TNFRSF19: variants seen among roughly 807,000 people sequenced by gnomAD.
TNFRSF19 encodes TNF receptor superfamily member 19, also known as tumor necrosis factor receptor superfamily member 19.
A neutral mutation model predicts 46.4 loss-of-function variants in TNFRSF19; 27 were observed. The observed-to-expected ratio is 0.58, with a 90% CI of 0.43 to 0.80. The LOEUF is 0.80. Among genes scored for constraint, TNFRSF19 ranks in the 30% least tolerant of loss-of-function variants. TNFRSF19 has a pLI of 0.00. For synonymous variants in TNFRSF19, 204 were observed against 205.0 expected (o/e 1.00, Z 0.04); for missense variants, 511 against 530.8 (o/e 0.96, Z 0.37).
At chr13:23,651,440 T>C (rs1883622881) in intron 5 of TNFRSF19, among the ~76,000 whole-genome samples, 3 of 152,176 alleles carry the variant, frequency 2.0e-5, no homozygotes, top group Admixed American at 2.0e-4. Context: ...CAGAGTGATA[T>C]GTTATACAGA....
At chr13:23,660,306 G>T in intron 6 of TNFRSF19, 59 bp from the exon 7 acceptor site, 1 of 1,525,766 alleles carries the variant, frequency 6.6e-7, no homozygotes, top group South Asian at 1.2e-5. Flanking sequence ...AGCTAGAATG[G>T]CACAGGTCCA....
chr13:23,625,635 T>G (rs901360379), intron 4 of TNFRSF19, among the ~76,000 whole-genome samples: 7 of 152,158 alleles, frequency 4.6e-5, no homozygotes, highest in African/African-American at 1.7e-4. Flanking sequence ...GCCTGTATTC[T>G]TACACATACA....
chr13:23,646,405 G>C (rs1883334339), intron 5 of TNFRSF19, among the ~76,000 whole-genome samples: 1 of 151,764 alleles, frequency 6.6e-6, no homozygotes, highest in Non-Finnish European at 1.5e-5. Flanking sequence ...CATCACCCCA[G>C]ATAGAAGCTC....
chr13:23,657,974 C>A (rs146753204), intron 5 of TNFRSF19, among the ~76,000 whole-genome samples: 1 of 152,032 alleles, frequency 6.6e-6, no homozygotes, highest in African/African-American at 2.4e-5. Context: ...CAGCACCTGC[C>A]GGGGAAGCAG....
intron 4 of TNFRSF19, among the ~76,000 whole-genome samples, chr13:23,616,593 C>T (rs28689779): frequency 0.68 from 101,952 of 149,840 alleles, 34,938 homozygotes; most frequent in Middle Eastern, 0.77. Flanking sequence ...TTGTTTTGTT[C>T]TGTTTTGAGA....
At chr13:23,635,062 C>T (rs904563146) in intron 5 of TNFRSF19, among the ~76,000 whole-genome samples, 1 of 152,106 alleles carries the variant, frequency 6.6e-6, no homozygotes, top group Non-Finnish European at 1.5e-5. Flanking sequence ...CCTTAAAGCC[C>T]TCATTCCACA....
At chr13:23,574,620 T>C (rs898261501) in intron 1 of TNFRSF19, among the ~76,000 whole-genome samples, 2 of 152,124 alleles carry the variant, frequency 1.3e-5, no homozygotes, top group East Asian at 1.9e-4. Context: ...CTGGCATTGG[T>C]TTAGTCGGAT....
chr13:23,653,871 A>G (rs1271914491), intron 5 of TNFRSF19, among the ~76,000 whole-genome samples: 2 of 152,172 alleles, frequency 1.3e-5, no homozygotes, highest in Admixed American at 1.3e-4. Flanking sequence ...GAGCACAGCC[A>G]GGCCACAGTG....
intron 1 of TNFRSF19, among the ~76,000 whole-genome samples, chr13:23,574,945 AAGG>A (rs1433422373): frequency 1.2e-4 from 18 of 152,322 alleles, no homozygotes; most frequent in African/African-American, 4.1e-4. Context: ...TGAGAAGGGG[AAGG>A]AGAAGTCATG....
intron 3 of TNFRSF19, among the ~76,000 whole-genome samples, chr13:23,613,669 T>A (rs1188078057): frequency 2.0e-5 from 3 of 152,184 alleles, no homozygotes; most frequent in Non-Finnish European, 4.4e-5. Context: ...TGGAGAACCC[T>A]AGCTTGGGAA....
At chr13:23,604,449 T>A (rs972951482) in intron 3 of TNFRSF19, among the ~76,000 whole-genome samples, 10 of 152,086 alleles carry the variant, frequency 6.6e-5, no homozygotes, top group Non-Finnish European at 1.2e-4. Flanking sequence ...ATTTATAGAT[T>A]CAATGGAATC....
chr13:23,580,256 C>T (rs1878315505), intron 1 of TNFRSF19, among the ~76,000 whole-genome samples: 1 of 152,144 alleles, frequency 6.6e-6, no homozygotes. Flanking sequence ...TGTAAGAAAC[C>T]CATGTCATTT....
At chr13:23,670,884 G>A (rs1288409414) in intron 9 of TNFRSF19, among the ~76,000 whole-genome samples, 1 of 152,212 alleles carries the variant, frequency 6.6e-6, no homozygotes, top group Non-Finnish European at 1.5e-5. Context: ...CTAGGGTTAC[G>A]GTGCTGCCAG....
intron 3 of TNFRSF19, among the ~76,000 whole-genome samples, chr13:23,614,746 C>CATATCTATATATAT (rs1881145857): frequency 7.4e-6 from 1 of 134,866 alleles, no homozygotes; most frequent in Non-Finnish European, 1.6e-5. Flanking sequence ...ATAAGTAATA[C>CATATCTATATATAT]ATATATATAT....
chr13:23,575,037 G>C (rs1242344912), intron 1 of TNFRSF19, among the ~76,000 whole-genome samples: 1 of 152,198 alleles, frequency 6.6e-6, no homozygotes, highest in Non-Finnish European at 1.5e-5. Context: ...GATAAAGATA[G>C]TTTTCTCCAT....
At chr13:23,654,238 G>A (rs758324226) in intron 5 of TNFRSF19, among the ~76,000 whole-genome samples, 1 of 152,212 alleles carries the variant, frequency 6.6e-6, no homozygotes, top group Non-Finnish European at 1.5e-5. Flanking sequence ...CAAGTAGGGA[G>A]TAGCAGTAGA....
intron 3 of TNFRSF19, among the ~76,000 whole-genome samples, chr13:23,607,250 A>G (rs1033505548): frequency 1.2e-4 from 18 of 152,166 alleles, no homozygotes; most frequent in African/African-American, 4.1e-4. Context: ...CCTGGCCAAC[A>G]TGGTGAAACC....
intron 3 of TNFRSF19, among the ~76,000 whole-genome samples, chr13:23,611,717 A>G (rs905110875): frequency 9.9e-5 from 15 of 152,166 alleles, no homozygotes; most frequent in African/African-American, 2.4e-4. Flanking sequence ...TTCTATCCCT[A>G]TGGGGGAAAA....
intron 1 of TNFRSF19, among the ~76,000 whole-genome samples, chr13:23,580,609 C>CTT (rs1684567875): frequency 6.6e-6 from 1 of 152,208 alleles, no homozygotes; most frequent in African/African-American, 2.4e-5. Context: ...TTCATGTAGT[C>CTT]TTAAAAATTC....
Sources: allele counts gnomAD v4.1 joint callset (sites outside exome capture counted in the v4.1 genomes callset), GRCh38; gene constraint gnomAD v4.1.1; transcripts MANE v1.5; gene names NCBI Gene and HGNC (gene_info 2026-07-23, HGNC 2026-07-21).